The following IQGAP2 variants were observed in gnomAD, a reference collection of about 807,000 sequenced individuals.
IQGAP2 encodes the protein IQ motif containing GTPase activating protein 2, also known as ras GTPase-activating-like protein IQGAP2.
IQGAP2 carries 173 observed loss-of-function variants against 201.3 expected under a neutral mutation model. That is an observed-to-expected ratio of 0.86 (90% CI 0.76 to 0.98). The LOEUF (loss-of-function observed/expected upper bound fraction) is 0.98. IQGAP2 is among the 50% of genes least tolerant of loss of function. The pLI is 0.00. For synonymous variants in IQGAP2, 675 were observed against 673.9 expected, an observed-to-expected ratio of 1.00 and a Z score of -0.03; for missense variants, 1,687 against 1,864.8, an observed-to-expected ratio of 0.90 and a Z score of 1.76.
At chr5:76,661,576 T>TAG (rs1743250539) in intron 21 of IQGAP2, among the ~76,000 whole-genome samples, 1 of 152,198 alleles carries the variant, frequency 6.6e-6, no homozygotes, top group Non-Finnish European at 1.5e-5. Flanking sequence ...ACTTCACTGC[T>TAG]TATATTAACA....
At chr5:76,666,624 CTT>C (rs1247160520) in intron 22 of IQGAP2, among the ~76,000 whole-genome samples, 3 of 152,236 alleles carry the variant, frequency 2.0e-5, no homozygotes, top group South Asian at 2.1e-4. Flanking sequence ...TGAACTCTCT[CTT>C]GAAATCATAT....
At chr5:76,460,026 C>T (rs536985598) in intron 1 of IQGAP2, among the ~76,000 whole-genome samples, 5 of 152,210 alleles carry the variant, frequency 3.3e-5, no homozygotes, top group East Asian at 1.9e-4. Context: ...TTTTTCTGTA[C>T]GCGCAGAGTG....
intron 1 of IQGAP2, among the ~76,000 whole-genome samples, chr5:76,435,495 C>G (rs980266459): frequency 2.0e-5 from 3 of 151,930 alleles, no homozygotes; most frequent in African/African-American, 7.2e-5. Flanking sequence ...TCAAAGATCA[C>G]TTGGTTGAAT....
At chr5:76,501,497 G>A (rs182913205) in intron 2 of IQGAP2, among the ~76,000 whole-genome samples, 2 of 152,120 alleles carry the variant, frequency 1.3e-5, no homozygotes, top group African/African-American at 4.8e-5. Flanking sequence ...GCTTTTATTT[G>A]AAGAGTCTAT....
intron 2 of IQGAP2, among the ~76,000 whole-genome samples, chr5:76,473,755 A>C (rs1459580227): frequency 6.6e-6 from 1 of 152,148 alleles, no homozygotes; most frequent in Non-Finnish European, 1.5e-5. Context: ...CCTTCAATTC[A>C]TCAATTATCT....
In IQGAP2 at chr5:76,441,317, C is replaced by T. The variant is rs182984412; in HGVS notation, c.47-20253C>T. ...AGTCTGAGATGCCCGTTTATTCTTC[C>T]TGCCACTGTGTAATCACATTCATCT... On this transcript the variant is annotated intron_variant, in intron 1 of 35. Coordinates refer to ENST00000274364, the MANE Select transcript of IQGAP2 (RefSeq NM_006633.5). Among the ~76,000 whole-genome samples the T allele has an allele frequency of 8.5e-4, 129 of 152,310 alleles. 2 individuals are homozygous for T. Among genetic ancestry groups the T allele is most frequent in the Non-Finnish European group, 5.9e-5 (4 of 68,018 alleles).
chr5:76,471,374 A>ACAC (rs1755092987), intron 2 of IQGAP2, among the ~76,000 whole-genome samples: 1 of 104,234 alleles, frequency 9.6e-6, no homozygotes, highest in Non-Finnish European at 2.3e-5. Context: ...CAAAAAAAAA[A>ACAC]AAAAAAAAAA....
intron 5 of IQGAP2, among the ~76,000 whole-genome samples, chr5:76,581,232 T>A (rs1483363554): frequency 1.3e-5 from 2 of 152,252 alleles, no homozygotes; most frequent in Admixed American, 6.5e-5. Flanking sequence ...AATGCATAAC[T>A]TTCCTTGTCT....
rs1275498369 is a variant in IQGAP2, at chr5:76,592,880, C to G, written c.862C>G (p.Leu288Val). 1.2e-6 allele frequency: 2 copies of G among 1,612,540 alleles called. No individual in the cohort carries two copies. Among genetic ancestry groups the G allele is most frequent in the Non-Finnish European group, 1.7e-6 (2 of 1,178,798 alleles). Reference sequence around the variant, plus strand: ...AGAAGAAAGAGATGCTTATGAAGAACTGCTGACACAAGCAGAAATCCAAGG... The same window carrying G: ...AGAAGAAAGAGATGCTTATGAAGAAGTGCTGACACAAGCAGAAATCCAAGG... ...SEEERDAYEE[L>V]LTQAEIQGNI... The change falls in exon 9 of 36, where the codon CTG becomes GTG. Residue 288 changes from leucine to valine, a missense_variant. Physicochemically the swap from Leu to Val is conservative, Grantham distance 32. Transcript: ENST00000274364.
chr5:76,436,476 CATATATATATATATATATATATATAT>C lies in IQGAP2; in HGVS notation c.47-25077_47-25052del, dbSNP rs1283261181. 1.3e-3 allele frequency among the ~76,000 whole-genome samples: 27 copies of C among 21,478 alleles called. 2 individuals are homozygous for C. The South Asian group carries it at 0.033, about 26-fold the overall frequency. The allele number at this position is 21,478 out of a possible 152,430, so 14.1% of individuals were successfully genotyped here. Reference sequence around the variant, plus strand: ...CTTTTTCTGCATCTATTGAGATGATCATATATATATATATATATATATATATATATATATATATATATTTTTTTTTT... The same window carrying C: ...CTTTTTCTGCATCTATTGAGATGATCATATATATATATATATTTTTTTTTT... On this transcript the variant is annotated intron_variant, in intron 1 of 35. Transcript: ENST00000274364.
chr5:76,621,374 A>G (rs1198036353), intron 13 of IQGAP2, among the ~76,000 whole-genome samples: 1 of 152,230 alleles, frequency 6.6e-6, no homozygotes, highest in Non-Finnish European at 1.5e-5. Flanking sequence ...GGGAGGCAGC[A>G]TTCTTCTATG....
chr5:76,614,660 G>A (rs1748760243), intron 13 of IQGAP2, among the ~76,000 whole-genome samples: 1 of 121,106 alleles, frequency 8.3e-6, no homozygotes, highest in Non-Finnish European at 1.6e-5. Flanking sequence ...GTGTTGCCCA[G>A]GCTGGTCTCA....
At chr5:76,670,986 G>A (rs1333065123) in intron 23 of IQGAP2, among the ~76,000 whole-genome samples, 1 of 152,188 alleles carries the variant, frequency 6.6e-6, no homozygotes, top group East Asian at 1.9e-4. Flanking sequence ...TTATAAACTG[G>A]GAACAGTGGC....
At chr5:76,533,820 G>A (rs1361565926) in intron 2 of IQGAP2, among the ~76,000 whole-genome samples, 2 of 152,190 alleles carry the variant, frequency 1.3e-5, no homozygotes, top group Non-Finnish European at 2.9e-5. Flanking sequence ...TTATAGGCGT[G>A]AGCCACCGCG....
At chr5:76,570,381 C>T (rs1745026330) in intron 3 of IQGAP2, among the ~76,000 whole-genome samples, 199 bp from the exon 4 acceptor site, 1 of 152,210 alleles carries the variant, frequency 6.6e-6, no homozygotes, top group Admixed American at 6.5e-5. Context: ...TATGGAAATT[C>T]ATGGTTCATC....
intron 2 of IQGAP2, among the ~76,000 whole-genome samples, chr5:76,550,793 T>TC (rs1743413747): frequency 6.6e-6 from 1 of 152,220 alleles, no homozygotes; most frequent in African/African-American, 2.4e-5. Context: ...CTCTTTCTTT[T>TC]CCCCACATTT....
intron 11 of IQGAP2, among the ~76,000 whole-genome samples, chr5:76,602,786 C>T (rs16873519): frequency 0.17 from 25,166 of 152,012 alleles, 2,239 homozygotes; most frequent in Admixed American, 0.28. Flanking sequence ...TTGAGAAACA[C>T]GGCTCTGTCC....
In IQGAP2 at chr5:76,403,981, G is replaced by A. The variant is rs1750654100; in HGVS notation, c.46+390G>A. ...TAAGGCACCGGATTCTTCCAACCCA[G>A]AAGGGGAGGAAAGTTTGTTTGCTGT... On this transcript the variant is annotated intron_variant, in intron 1 of 35. Transcript: ENST00000274364. The surrounding 1 kb of genome is among the most constrained non-coding windows in gnomAD (Gnocchi z 4.8). Among the ~76,000 whole-genome samples the A allele has an allele frequency of 6.6e-6, 1 of 152,188 alleles. No homozygotes were observed. Among genetic ancestry groups the A allele is most frequent in the African/African-American group, 2.4e-5 (1 of 41,448 alleles).
At chr5:76,618,019 T>A (rs143031972) in intron 13 of IQGAP2, 2 of 1,614,150 alleles carry the variant, frequency 1.2e-6, no homozygotes, top group East Asian at 2.2e-5. Context: ...TGCTTCAGTA[T>A]GAAAAATGGC....
Sources: allele counts gnomAD v4.1 joint callset (sites outside exome capture counted in the v4.1 genomes callset), GRCh38; gene constraint gnomAD v4.1.1; non-coding constraint Gnocchi (gnomAD v3.1); transcripts MANE v1.5; gene names NCBI Gene and HGNC (gene_info 2026-07-23, HGNC 2026-07-21).